The following IRGM variants were observed in gnomAD, a reference collection of about 807,000 sequenced individuals.
IRGM encodes the protein immunity related GTPase M, also known as immunity-related GTPase family M protein.
For missense variants in IRGM, 288 were observed against 219.9 expected (o/e 1.31, Z -1.96); for synonymous variants, 98 against 80.6 (o/e 1.22, Z -1.16).
intron 2 of IRGM, chr5:150,878,249 C>T (rs1754394176): frequency 3.2e-6 from 1 of 317,408 alleles, no homozygotes; most frequent in East Asian, 9.1e-5. Context: ...TCCCAACTTC[C>T]TGACTCAGCT....
At chr5:150,862,852 T>C (rs1309199611) in intron 1 of IRGM, among the ~76,000 whole-genome samples, 1 of 152,128 alleles carries the variant, frequency 6.6e-6, no homozygotes, top group Non-Finnish European at 1.5e-5. Flanking sequence ...AAGTTAGATC[T>C]TGCAAAGAGG....
In IRGM at chr5:150,856,410, A is replaced by G. The variant is rs192166480; in HGVS notation, c.158+7756A>G. 9.5e-4 allele frequency among the ~76,000 whole-genome samples: 144 copies of G among 152,318 alleles called. 1 individual carries two copies. Among genetic ancestry groups the G allele is most frequent in the African/African-American group, 3.3e-3 (137 of 41,568 alleles). On this transcript the variant is annotated intron_variant and NMD_transcript_variant, in intron 1 of 3. Coordinates refer to the IRGM transcript ENST00000520549. ...CGCACCACTGCACTCCAGCCTGGGC[A>G]ACAGAGCGAGACGTTGTCTCAAAAA... is the stretch of plus-strand genomic sequence containing the variant.
chr5:150,863,646 A>G (rs1362581051), intron 1 of IRGM, among the ~76,000 whole-genome samples: 2 of 152,138 alleles, frequency 1.3e-5, no homozygotes, highest in African/African-American at 4.8e-5. Context: ...TTACAAAGAC[A>G]TTCTCATTCA....
At chr5:150,878,119 G>GAAAA in intron 2 of IRGM, 1 of 407,452 alleles carries the variant, frequency 2.5e-6, no homozygotes, top group Admixed American at 3.4e-5. Flanking sequence ...GCTCAGGTGA[G>GAAAA]AAAAAAAAAT....
intron 1 of IRGM, among the ~76,000 whole-genome samples, chr5:150,856,836 C>A (rs1754059070): frequency 6.8e-6 from 1 of 148,028 alleles, no homozygotes; most frequent in Non-Finnish European, 1.5e-5. Flanking sequence ...CATCCATTTT[C>A]TTTTTTTATT....
At chr5:150,849,673 C>T (rs894755908), downstream of IRGM, among the ~76,000 whole-genome samples, 2 of 149,240 alleles carry the variant, frequency 1.3e-5, no homozygotes, top group African/African-American at 5.0e-5. Flanking sequence ...GTGGTGCAAC[C>T]TCAGCTCACT....
intron 1 of IRGM, among the ~76,000 whole-genome samples, chr5:150,871,612 G>A (rs189350566): frequency 6.6e-6 from 1 of 152,154 alleles, no homozygotes; most frequent in African/African-American, 2.4e-5. Context: ...GGATAAACCT[G>A]TTTTTCCTTA....
At chr5:150,896,607 T>G in intron 3 of IRGM, 1 of 1,613,702 alleles carries the variant, frequency 6.2e-7, no homozygotes, top group Non-Finnish European at 8.5e-7. Flanking sequence ...CTGATCAGGT[T>G]TTTTTCTTGA....
At chr5:150,887,246 T>A (rs1315081664) in intron 3 of IRGM, among the ~76,000 whole-genome samples, 1 of 151,904 alleles carries the variant, frequency 6.6e-6, no homozygotes, top group African/African-American at 2.4e-5. Flanking sequence ...TAAAACAACT[T>A]AATGGATCTG....
chr5:150,848,313 C>T lies in IRGM; in HGVS notation c.190C>T (p.Pro64Ser), dbSNP rs1437434829. Residue 64 changes from proline to serine, a missense_variant, in exon 2 of 2, where the codon CCT becomes TCT. Physicochemically the swap from Pro to Ser is moderately conservative, Grantham distance 74. Coordinates refer to ENST00000522154, the MANE Select transcript of IRGM (RefSeq NM_001145805.2). ...CACAGGACATGAGGGTAAGGCCTCA[C>T]CTCCTACTGAGCTGGTAAAAGCTAC... Reference protein sequence around the residue: ...RNTGHEGKASPPTELVKATQR... With the variant: ...RNTGHEGKASSPTELVKATQR... The T allele has an allele frequency of 2.6e-6, 4 of 1,551,594 alleles. No individual in the cohort carries two copies. Among genetic ancestry groups the T allele is most frequent in the Admixed American group, 2.0e-5 (1 of 50,978 alleles).
chr5:150,888,110 GC>G lies in IRGM; in HGVS notation c.*140+8465del, dbSNP rs1157235810. On this transcript the variant is annotated intron_variant and NMD_transcript_variant, in intron 3 of 3. Coordinates refer to the IRGM transcript ENST00000520549. ...AAAGGGATGGAGGGAAATTTACCAAGCAAATGAAAACCAGAAAAAAGCAGGG... is the reference window on the plus strand; with the variant it reads ...AAAGGGATGGAGGGAAATTTACCAAGAAATGAAAACCAGAAAAAAGCAGGG... 2.6e-5 allele frequency among the ~76,000 whole-genome samples: 4 copies of G among 151,880 alleles called. No individual in the cohort carries two copies. In the East Asian group the frequency reaches 7.7e-4, roughly 29 times the overall value.
chr5:150,901,179 T>C (rs1445578769), downstream of IRGM, among the ~76,000 whole-genome samples: 1 of 152,058 alleles, frequency 6.6e-6, no homozygotes. Flanking sequence ...CCACAGCAGT[T>C]GGATTTACTG....
At chr5:150,876,363 T>A (rs1384267264) in intron 1 of IRGM, among the ~76,000 whole-genome samples, 1 of 152,196 alleles carries the variant, frequency 6.6e-6, no homozygotes, top group Admixed American at 6.5e-5. Flanking sequence ...CCTGTTCCCA[T>A]GACATTATAT....
intron 1 of IRGM, among the ~76,000 whole-genome samples, chr5:150,858,839 G>A (rs959730361): frequency 6.6e-5 from 10 of 152,094 alleles, no homozygotes; most frequent in Admixed American, 2.6e-4. Context: ...GAGATGATGG[G>A]GTTTTCTAGA....
In IRGM at chr5:150,848,493, A is replaced by C. The variant is rs72553868; in HGVS notation, c.370A>C (p.Ser124Arg). Residue 124 changes from serine (S) to arginine (R), a missense_variant, in exon 2 of 2, where the codon AGC becomes CGC. Physicochemically the swap from Ser to Arg is moderately radical, Grantham distance 110. Coordinates refer to ENST00000522154, the MANE Select transcript of IRGM (RefSeq NM_001145805.2). The part of the protein sequence containing the change: ...DFIMVASAQF[S>R]MNHVMLAKTA... ...CATCATGGTTGCATCTGCACAATTCAGCATGAATCATGTGATGCTTGCCAA... is the reference window on the plus strand; with the variant it reads ...CATCATGGTTGCATCTGCACAATTCCGCATGAATCATGTGATGCTTGCCAA... 1 of 1,551,758 alleles carries C rather than the reference A, an allele frequency of 6.4e-7. No individual in the cohort carries two copies. Among genetic ancestry groups the C allele is most frequent in the African/African-American group, 1.4e-5 (1 of 73,052 alleles).
Position 150,895,817 on chromosome 5 carries a change from G to A in IRGM, c.*141-4772G>A, listed in dbSNP as rs376162000. On this transcript the variant is annotated intron_variant and NMD_transcript_variant, in intron 3 of 3. Coordinates refer to the IRGM transcript ENST00000520549. ...GTATGATGAGCTGTGACTTGCGGGA[G>A]AATGTCTTTCCACATTCAGTACATT... The A allele has an allele frequency of 3.8e-5, 61 of 1,613,522 alleles. No individual in the cohort carries two copies. The African/African-American group carries it at 6.5e-4, about 17-fold the overall frequency.
intron 1 of IRGM, among the ~76,000 whole-genome samples, chr5:150,869,950 T>G (rs1754259382): frequency 6.6e-6 from 1 of 152,154 alleles, no homozygotes. Context: ...TGTATTATAC[T>G]TCTTTAAGAG....
chr5:150,849,543 GATC>G (rs747457251), downstream of IRGM, among the ~76,000 whole-genome samples: 1 of 150,956 alleles, frequency 6.6e-6, no homozygotes, highest in Non-Finnish European at 1.5e-5. Context: ...AAAGTAAAAT[GATC>G]ATCAGGCTGG....
intron 1 of IRGM, among the ~76,000 whole-genome samples, chr5:150,871,470 G>C (rs10051100): frequency 0.032 from 4,813 of 152,230 alleles, 244 homozygotes; most frequent in African/African-American, 0.11. Context: ...ATCAAACTCT[G>C]TTTTGTTCAT....
Sources: allele counts gnomAD v4.1 joint callset (sites outside exome capture counted in the v4.1 genomes callset), GRCh38; gene constraint gnomAD v4.1.1; transcripts MANE v1.5; gene names NCBI Gene and HGNC (gene_info 2026-07-23, HGNC 2026-07-21).